The following UBASH3B variants were observed in gnomAD, a reference collection of about 807,000 sequenced individuals.
UBASH3B encodes the protein ubiquitin-associated and SH3 domain-containing protein B.
In UBASH3B, 37 loss-of-function variants were observed where a neutral mutation model predicts 83.4. The observed-to-expected ratio is 0.44, with a 90% CI of 0.34 to 0.58. The LOEUF (loss-of-function observed/expected upper bound fraction) is 0.58. Among genes scored for constraint, UBASH3B ranks in the 20% least tolerant of loss-of-function variants. The probability of loss-of-function intolerance (pLI) is 0.01; values close to 1 mark genes in which losing one functional copy is unlikely to be tolerated. For missense variants in UBASH3B, 657 were observed against 827.2 expected, an observed-to-expected ratio of 0.79 and a Z score of 2.52; for synonymous variants, 304 against 318.3, an observed-to-expected ratio of 0.96 and a Z score of 0.48.
At chr11:122,809,649 G>T in intron 13 of UBASH3B, 100 bp from the exon 14 acceptor site, 1 of 1,288,092 alleles carries the variant, frequency 7.8e-7, no homozygotes, top group East Asian at 2.4e-5. Flanking sequence ...ATTTCTGACT[G>T]CAATTCTCTA....
At chr11:122,703,671 T>G (rs1258250556) in intron 1 of UBASH3B, among the ~76,000 whole-genome samples, 1 of 152,202 alleles carries the variant, frequency 6.6e-6, no homozygotes, top group African/African-American at 2.4e-5. Flanking sequence ...AACATAAAGT[T>G]CTTGGCATAA....
chr11:122,760,393 C>G (rs1230371290), intron 1 of UBASH3B, among the ~76,000 whole-genome samples: 1 of 151,296 alleles, frequency 6.6e-6, no homozygotes, highest in Non-Finnish European at 1.5e-5. Flanking sequence ...TGGAGTCTTG[C>G]TCTGTCACCC....
intron 7 of UBASH3B, among the ~76,000 whole-genome samples, chr11:122,795,336 G>A (rs1265352253): frequency 1.3e-5 from 2 of 152,122 alleles, no homozygotes; most frequent in Admixed American, 1.3e-4. Flanking sequence ...TGTGGCTGGA[G>A]CCCAGGATTT....
intron 5 of UBASH3B, among the ~76,000 whole-genome samples, chr11:122,786,982 C>T (rs1360123921): frequency 6.6e-6 from 1 of 152,048 alleles, no homozygotes; most frequent in African/African-American, 2.4e-5. Context: ...AATGAATACC[C>T]ACCCCCGCTC....
Position 122,747,076 on chromosome 11 carries a change from G to A in UBASH3B, c.162-29143G>A, listed in dbSNP as rs1861130551. Among the ~76,000 whole-genome samples, 3 of 152,350 alleles carry A rather than the reference G, an allele frequency of 2.0e-5. No individual in the cohort carries two copies. The South Asian group carries it at 6.2e-4, about 32-fold the overall frequency. On this transcript the variant is annotated intron_variant, in intron 1 of 13. Transcript: ENST00000284273. ...TGGCTGAAGCAGAGGCTGCGGGGTGGGGGTGGTCACCGGAGAGGCAGCTGG... is the reference window on the plus strand; with the variant it reads ...TGGCTGAAGCAGAGGCTGCGGGGTGAGGGTGGTCACCGGAGAGGCAGCTGG...
intron 1 of UBASH3B, among the ~76,000 whole-genome samples, chr11:122,687,034 ATT>A: frequency 6.6e-6 from 1 of 151,896 alleles, no homozygotes; most frequent in Non-Finnish European, 1.5e-5. Context: ...CGCCCAGCTA[ATT>A]TTTGTATTTT....
intron 11 of UBASH3B, among the ~76,000 whole-genome samples, chr11:122,804,812 C>G (rs1247723325): frequency 6.6e-6 from 1 of 152,102 alleles, no homozygotes; most frequent in African/African-American, 2.4e-5. Flanking sequence ...CAGTGAAAGA[C>G]AAAATATGAA....
intron 5 of UBASH3B, among the ~76,000 whole-genome samples, chr11:122,784,384 G>A (rs1265807832): frequency 1.3e-5 from 2 of 152,144 alleles, no homozygotes; most frequent in East Asian, 3.9e-4. Context: ...TCATAGCCAG[G>A]CATGGTGGCT....
chr11:122,757,307 C>A (rs1861297250), intron 1 of UBASH3B, among the ~76,000 whole-genome samples: 1 of 152,172 alleles, frequency 6.6e-6, no homozygotes, highest in South Asian at 2.1e-4. Context: ...AGAGAGCTCT[C>A]TCCCCTTCTT....
At position 122,813,204 on chromosome 11, in the gene UBASH3B, T is replaced by C. The variant is rs1314782928; in HGVS notation, c.*3318T>C. 1.3e-5 allele frequency: 2 copies of C among 152,272 alleles called. No individual in the cohort carries two copies. The highest frequency in any genetic ancestry group is 4.8e-5 in the African/African-American group (2 of 41,464). 9.4% of individuals were successfully genotyped at this position (152,272 alleles called of 1,614,324 possible). A position where few individuals can be genotyped will look rare whatever the true frequency, so the allele number is the denominator to read the frequency against. On this transcript the variant is annotated 3_prime_UTR_variant, in exon 14 of 14. Transcript: ENST00000284273. ...TATTTGGAATGCATATAGATTGTCTTGTCATTGTGCTTAACATTACCATAA... is the reference window on the plus strand; with the variant it reads ...TATTTGGAATGCATATAGATTGTCTCGTCATTGTGCTTAACATTACCATAA...
At chr11:122,772,083 G>A (rs1223568297) in intron 1 of UBASH3B, among the ~76,000 whole-genome samples, 1 of 152,212 alleles carries the variant, frequency 6.6e-6, no homozygotes, top group East Asian at 1.9e-4. Flanking sequence ...GATGAGTATT[G>A]CTGTGTTTCT....
At chr11:122,796,297 C>G in intron 8 of UBASH3B, 21 bp downstream of exon 8, 1 of 1,613,084 alleles carries the variant, frequency 6.2e-7, no homozygotes, top group Non-Finnish European at 8.5e-7. Context: ...GGTGGGCCTG[C>G]TCAGCACTGC....
intron 13 of UBASH3B, among the ~76,000 whole-genome samples, chr11:122,808,778 A>T (rs1002443652): frequency 6.6e-6 from 1 of 152,178 alleles, no homozygotes; most frequent in Non-Finnish European, 1.5e-5. Flanking sequence ...TTCAAACTCA[A>T]TTGCAATCTT....
At chr11:122,800,321 C>T (rs1861230330) in intron 10 of UBASH3B, among the ~76,000 whole-genome samples, 1 of 146,622 alleles carries the variant, frequency 6.8e-6, no homozygotes, top group Middle Eastern at 3.6e-3. Flanking sequence ...GGGCGGTTCA[C>T]GAGGTCAGGA....
Position 122,725,342 on chromosome 11 carries a change from A to AAAAG in UBASH3B, c.162-50875_162-50874insAGAA, listed in dbSNP as rs71281633. Among the ~76,000 whole-genome samples, 101 of 130,822 alleles carry AAAAG rather than the reference A, an allele frequency of 7.7e-4. 5 individuals carry two copies. The highest frequency in any genetic ancestry group is 1.0e-3 in the Non-Finnish European group (63 of 61,622). 85.8% of individuals were successfully genotyped at this position (130,822 alleles called of 152,430 possible). A position where few individuals can be genotyped will look rare whatever the true frequency, so the allele number is the denominator to read the frequency against. ...AGCACCATAAACAAAAAAAAAAAAAAAAGAAAAGAAAAGAAACAAACTCAA... is the reference window on the plus strand; with the variant it reads ...AGCACCATAAACAAAAAAAAAAAAAAAAAGAAGAAAAGAAAAGAAACAAACTCAA... On this transcript the variant is annotated intron_variant, in intron 1 of 13. Coordinates refer to ENST00000284273, the MANE Select transcript of UBASH3B (RefSeq NM_032873.5).
At chr11:122,662,422 C>A (rs1368583470) in intron 1 of UBASH3B, among the ~76,000 whole-genome samples, 7 of 139,184 alleles carry the variant, frequency 5.0e-5, no homozygotes, top group Non-Finnish European at 9.4e-5. Context: ...GTCGCTTTTT[C>A]TTTTCTTTTC....
At chr11:122,782,968 G>C in intron 4 of UBASH3B, 85 bp from the exon 5 acceptor site, 1 of 1,474,542 alleles carries the variant, frequency 6.8e-7, no homozygotes, top group East Asian at 2.3e-5. Context: ...ATTTCTCAGG[G>C]TACCTTTCTA....
At chr11:122,757,751 G>T (rs1474284724) in intron 1 of UBASH3B, among the ~76,000 whole-genome samples, 1 of 117,376 alleles carries the variant, frequency 8.5e-6, no homozygotes, top group Non-Finnish European at 1.6e-5. Context: ...GTCTCACTCT[G>T]TCGCCAGGCT....
chr11:122,774,176 G>T, intron 1 of UBASH3B: 1 of 985,270 alleles, frequency 1.0e-6, no homozygotes. Flanking sequence ...GAGCGTGTGT[G>T]GGTCTCTGTG....
Sources: gnomAD v4.1 joint callset for allele counts (sites outside exome capture counted in the v4.1 genomes callset) on GRCh38, gnomAD v4.1.1 for gene constraint, MANE v1.5 for transcripts, NCBI Gene and HGNC (gene_info 2026-07-23, HGNC 2026-07-21) for gene names.